Variants in LZTS2 observed in about 807,000 individuals in gnomAD.
LZTS2 encodes the protein leucine zipper putative tumor suppressor 2.
Under a neutral mutation model 60.6 loss-of-function variants are expected in LZTS2, and 32 were observed. That is an observed-to-expected ratio of 0.53 (90% CI 0.40 to 0.71). The LOEUF (loss-of-function observed/expected upper bound fraction) is 0.71. Among genes scored for constraint, LZTS2 ranks in the 30% least tolerant of loss-of-function variants. LZTS2 has a pLI of 0.00. For missense variants in LZTS2, 792 were observed against 901.9 expected (o/e 0.88, Z 1.56); for synonymous variants, 360 against 393.1 (o/e 0.92, Z 1.00).
chr10:100,998,322 C>T (rs1161742175), upstream of LZTS2: 2 of 153,004 alleles, frequency 1.3e-5, no homozygotes, highest in East Asian at 3.8e-4. Flanking sequence ...TCTCGGTGCC[C>T]CAGGAGGCAG....
exon 4 of LZTS2, chr10:101,007,807 A>G: frequency 3.0e-6 from 1 of 336,090 alleles, no homozygotes; most frequent in Non-Finnish European, 4.2e-6. Context: ...CAAAGAAAAA[A>G]TTAAAAAAAA....
At chr10:101,003,016 A>C in intron 1 of LZTS2, 70 bp downstream of exon 2, 2 of 1,502,144 alleles carry the variant, frequency 1.3e-6, no homozygotes, top group Non-Finnish European at 1.8e-6. Context: ...GGAATTTAGA[A>C]GCTTATATAG....
chr10:100,998,419 G>C (rs566227626), upstream of LZTS2: 1 of 152,900 alleles, frequency 6.5e-6, no homozygotes, highest in East Asian at 1.9e-4. Context: ...GGGTGAGTCA[G>C]GGTGGCTGGG....
exon 3 of LZTS2, chr10:101,005,639 A>G: frequency 6.2e-7 from 1 of 1,610,494 alleles, no homozygotes; most frequent in Non-Finnish European, 8.5e-7. Context: ...GAGCGCGAAC[A>G]GCTGGAGCGG....
At chr10:101,002,405 G>C in exon 1 of LZTS2, 2 of 783,186 alleles carry the variant, frequency 2.6e-6, no homozygotes, top group Non-Finnish European at 3.8e-6. Context: ...ATCAGGGCTT[G>C]TTACTGATGT....
At chr10:101,005,653 T>C in exon 3 of LZTS2, 1 of 1,608,850 alleles carries the variant, frequency 6.2e-7, no homozygotes, top group Non-Finnish European at 8.5e-7. Context: ...GGAGCGGCGC[T>C]GCGCCACCTT....
chr10:101,004,840 T>C (rs1409333876), intron 2 of LZTS2, among the ~76,000 whole-genome samples: 6 of 152,190 alleles, frequency 3.9e-5, no homozygotes, highest in Non-Finnish European at 7.3e-5. Flanking sequence ...ATATAAATGC[T>C]TGCCTTTTTT....
exon 4 of LZTS2, chr10:101,007,506 CCCT>C (rs1253325067): frequency 7.3e-7 from 1 of 1,372,042 alleles, no homozygotes; most frequent in Non-Finnish European, 9.6e-7. Context: ...AGAAGGGGCT[CCCT>C]CCTCTTCACA....
chr10:100,998,212 G>C (rs1174809979), upstream of LZTS2: 1 of 152,372 alleles, frequency 6.6e-6, no homozygotes, highest in Non-Finnish European at 1.5e-5. Context: ...GGAGTGGGCA[G>C]TAGCCCGATG....
exon 1 of LZTS2, chr10:101,000,071 C>G (rs1419373445): frequency 6.6e-6 from 1 of 152,294 alleles, no homozygotes; most frequent in Non-Finnish European, 1.5e-5. Flanking sequence ...GGGCTGGACT[C>G]TGGAGAATGG....
rs554978487 is a variant in LZTS2, at chr10:101,003,101, C to G, written c.408+155C>G. 2.1e-4 allele frequency: 209 copies of G among 980,112 alleles called. 3 individuals carry two copies. In the South Asian group the frequency reaches 3.6e-3, roughly 17 times the overall value. The allele number at this position is 980,112 out of a possible 1,614,324, so 60.7% of individuals were successfully genotyped here. A position where few individuals can be genotyped will look rare whatever the true frequency, so the allele number is the denominator to read the frequency against. On this transcript the variant is annotated intron_variant, in intron 1 of 3. Coordinates refer to ENST00000370220, the Ensembl canonical transcript of LZTS2. The stretch of plus-strand genomic sequence containing the variant: ...CTCTCTCTCATTCTGGATGTGTGAC[C>G]TCAGGGAAGTCACTTAACCTGAGCC...
chr10:101,006,130 T>C (rs903389989), intron 3 of LZTS2, among the ~76,000 whole-genome samples: 1 of 152,222 alleles, frequency 6.6e-6, no homozygotes, highest in Admixed American at 6.5e-5. Context: ...ACTAGGTCAC[T>C]GTAGTACCTC....
At chr10:101,002,575 C>T (rs780371454) in exon 1 of LZTS2, 13 of 1,539,648 alleles carry the variant, frequency 8.4e-6, no homozygotes, top group Admixed American at 2.0e-5. Flanking sequence ...GCCACTGGAG[C>T]CTGCTCCTGA....
At chr10:101,003,858 C>G in exon 2 of LZTS2, 1 of 1,613,186 alleles carries the variant, frequency 6.2e-7, no homozygotes, top group Non-Finnish European at 8.5e-7. Flanking sequence ...TGGCTCTGGG[C>G]GAGGGGCACT....
chr10:100,997,087 C>T (rs572141466), upstream of LZTS2: 2 of 152,672 alleles, frequency 1.3e-5, no homozygotes, highest in East Asian at 1.9e-4. Flanking sequence ...TCGGGCCAGG[C>T]GGGCGCCGGG....
At chr10:101,001,348 A>G (rs2133966060) in exon 1 of LZTS2, 1 of 152,390 alleles carries the variant, frequency 6.6e-6, no homozygotes, top group South Asian at 2.1e-4. Flanking sequence ...TATGTATGTG[A>G]ATGAACTGAT....
chr10:101,004,775 A>G (rs1852133962), intron 2 of LZTS2, among the ~76,000 whole-genome samples: 1 of 152,252 alleles, frequency 6.6e-6, no homozygotes, highest in Non-Finnish European at 1.5e-5. Flanking sequence ...ATGAGGATTA[A>G]ATAAGGCAAA....
chr10:101,002,791 G>A (rs544282343), exon 1 of LZTS2: 16 of 1,613,820 alleles, frequency 9.9e-6, no homozygotes, highest in South Asian at 9.9e-5. Context: ...GGCTGTCCCT[G>A]TCACCAGCTT....
chr10:100,998,161 C>A (rs552598649), upstream of LZTS2, among the ~76,000 whole-genome samples: 82 of 152,318 alleles, frequency 5.4e-4, no homozygotes, highest in Admixed American at 2.4e-3. Context: ...GGCCTGCCCC[C>A]CTAGAAAAAG....
Sources: allele counts gnomAD v4.1 joint callset (sites outside exome capture counted in the v4.1 genomes callset), GRCh38; gene constraint gnomAD v4.1.1; transcripts MANE v1.5; gene names NCBI Gene and HGNC (gene_info 2026-07-23, HGNC 2026-07-21).